The following METTL16 variants were observed in gnomAD, a reference collection of about 807,000 sequenced individuals.
METTL16 encodes the protein methyltransferase 16, RNA N6-adenosine.
Under a neutral mutation model 57.9 loss-of-function variants are expected in METTL16, and 19 were observed. The ratio of observed to expected loss-of-function variants is 0.33; its 90% CI spans 0.23 to 0.48. The LOEUF is 0.48. METTL16 is among the 20% of genes least tolerant of loss of function. The pLI, the probability that METTL16 is intolerant of heterozygous loss-of-function variation, is 0.99. For synonymous variants in METTL16, 246 were observed against 255.6 expected (o/e 0.96, Z 0.36); for missense variants, 434 against 691.5 (o/e 0.63, Z 4.18).
intron 1 of METTL16, among the ~76,000 whole-genome samples, chr17:2,504,634 C>CA (rs1344156694): frequency 6.6e-6 from 1 of 152,214 alleles, no homozygotes; most frequent in Non-Finnish European, 1.5e-5. Context: ...TACCTCACTG[C>CA]AGCCTCAATC....
chr17:2,490,551 T>A (rs898486616), intron 2 of METTL16, among the ~76,000 whole-genome samples: 4 of 152,230 alleles, frequency 2.6e-5, no homozygotes, highest in Non-Finnish European at 4.4e-5. Context: ...ACATTACCAT[T>A]ATAAATGTAG....
intron 4 of METTL16, 62 bp downstream of exon 4, chr17:2,473,462 C>A: frequency 6.6e-7 from 1 of 1,526,472 alleles, no homozygotes; most frequent in Non-Finnish European, 8.8e-7. Context: ...TAATGAAATG[C>A]GTTAAACTAA....
At chr17:2,452,645 A>C (rs1467640246) in intron 6 of METTL16, among the ~76,000 whole-genome samples, 1 of 152,190 alleles carries the variant, frequency 6.6e-6, no homozygotes, top group African/African-American at 2.4e-5. Flanking sequence ...ATTTTGAAAT[A>C]ATTTCAAACT....
At chr17:2,481,207 CA>C (rs2067303643) in intron 2 of METTL16, among the ~76,000 whole-genome samples, 1 of 133,494 alleles carries the variant, frequency 7.5e-6, no homozygotes, top group Admixed American at 7.9e-5. Flanking sequence ...GACCATGTTT[CA>C]GAAAAAAAAG....
At chr17:2,486,294 C>CA (rs1210006049) in intron 2 of METTL16, among the ~76,000 whole-genome samples, 1 of 149,214 alleles carries the variant, frequency 6.7e-6, no homozygotes, top group Non-Finnish European at 1.5e-5. Flanking sequence ...TTTTTTGAGA[C>CA]AGAGTCTCGC....
At chr17:2,441,598 G>A in intron 6 of METTL16, 39 bp from the exon 7 acceptor site, 1 of 1,417,032 alleles carries the variant, frequency 7.1e-7, no homozygotes, top group Non-Finnish European at 9.5e-7. Context: ...TACGGTTTAT[G>A]TGGTTAAAAT....
intron 6 of METTL16, among the ~76,000 whole-genome samples, chr17:2,445,494 G>A (rs184561988): frequency 1.3e-5 from 2 of 152,126 alleles, no homozygotes; most frequent in Non-Finnish European, 2.9e-5. Flanking sequence ...TGCATATAAA[G>A]GTCAGGGATT....
At chr17:2,428,890 C>A (rs1178976540) in intron 8 of METTL16, among the ~76,000 whole-genome samples, 1 of 152,072 alleles carries the variant, frequency 6.6e-6, no homozygotes, top group African/African-American at 2.4e-5. Flanking sequence ...CGGAGTTTTG[C>A]TCTTGTTGCC....
At chr17:2,421,038 TTGTG>T (rs1567878687) in intron 8 of METTL16, 134 bp from the exon 9 acceptor site, 1 of 977,632 alleles carries the variant, frequency 1.0e-6, no homozygotes, top group Admixed American at 2.4e-5. Context: ...ACAAAGGGTT[TTGTG>T]TGTGTTATGT....
At chr17:2,505,410 T>TAGA (rs1358460134) in intron 1 of METTL16, among the ~76,000 whole-genome samples, 1 of 127,678 alleles carries the variant, frequency 7.8e-6, no homozygotes, top group African/African-American at 3.5e-5. Flanking sequence ...TTTTTTTTTT[T>TAGA]TTTTTTTTTT....
rs141489712 is a variant in METTL16 at position 2,455,985 on chromosome 17, A to AAATT, written c.728+8219_728+8222dup. Among the ~76,000 whole-genome samples, 441 of 151,924 alleles carry AAATT rather than the reference A, an allele frequency of 2.9e-3. 3 individuals are homozygous for AAATT. The highest frequency in any genetic ancestry group is 4.5e-3 in the Non-Finnish European group (303 of 67,958). ...GTGACAGAGCAAGACCCTGTCTCGA[A>AAATT]AATTAATTAATTAATTAATTAATTA... On this transcript the variant is annotated intron_variant, in intron 6 of 9. Transcript: ENST00000263092.
intron 2 of METTL16, among the ~76,000 whole-genome samples, chr17:2,496,209 C>T (rs550439927): frequency 6.6e-6 from 1 of 151,790 alleles, no homozygotes; most frequent in South Asian, 2.1e-4. Flanking sequence ...TCAAGGCATT[C>T]ATGGATCCTC....
In METTL16 at chr17:2,446,591, GCTCTCC is replaced by G. The variant is rs372024803; in HGVS notation, c.729-5038_729-5033del. Among the ~76,000 whole-genome samples, 678 of 142,804 alleles carry G rather than the reference GCTCTCC, an allele frequency of 4.7e-3. 5 individuals are homozygous for G. The highest frequency in any genetic ancestry group is 0.016 in the South Asian group (72 of 4,494). 93.7% of individuals were successfully genotyped at this position (142,804 alleles called of 152,430 possible). On this transcript the variant is annotated intron_variant, in intron 6 of 9. Coordinates refer to ENST00000263092, the MANE Select transcript of METTL16 (RefSeq NM_024086.4). ...AGGTCAAGAGATCAAGAGCATCCTG[GCTCTCC>G]CTCTCCCTCTCCCTCTCCCTCTCCC...
chr17:2,489,498 T>G lies in METTL16; in HGVS notation c.129-11613A>C, dbSNP rs547646394. On this transcript the variant is annotated intron_variant, in intron 2 of 9. Coordinates refer to ENST00000263092, the MANE Select transcript of METTL16 (RefSeq NM_024086.4). ...GGTGAAACCCCGTCTCCACTAAAAG[T>G]ACAAAAATTAGCCGAGCGTGGTGGC... 1.2e-3 allele frequency among the ~76,000 whole-genome samples: 185 copies of G among 151,854 alleles called. 1 individual carries two copies. The highest frequency in any genetic ancestry group is 4.2e-3 in the African/African-American group (174 of 41,424).
At chr17:2,458,891 C>G (rs1388476704) in intron 6 of METTL16, among the ~76,000 whole-genome samples, 1 of 151,840 alleles carries the variant, frequency 6.6e-6, no homozygotes, top group Non-Finnish European at 1.5e-5. Flanking sequence ...ACTGTAGCCT[C>G]GACCTCCTGG....
At chr17:2,415,867 C>A (rs2066710361), downstream of METTL16, 1 of 152,178 alleles carries the variant, frequency 6.6e-6, no homozygotes, top group Non-Finnish European at 1.5e-5. Flanking sequence ...CAGCATTTCC[C>A]CTCCAGTATC....
intron 5 of METTL16, among the ~76,000 whole-genome samples, chr17:2,466,493 C>T (rs553073068): frequency 1.8e-4 from 28 of 152,312 alleles, no homozygotes; most frequent in Non-Finnish European, 2.8e-4. Context: ...ATCCCAACTA[C>T]TGCTGGGTTT....
intron 6 of METTL16, among the ~76,000 whole-genome samples, chr17:2,447,712 T>G (rs1233702297): frequency 1.3e-4 from 14 of 110,196 alleles, no homozygotes; most frequent in Admixed American, 2.8e-4. Context: ...GGAGGGGGGG[T>G]CAGCCCCCCG....
rs539690006 is a variant in METTL16, at chr17:2,419,307, C to T, written c.*663G>A. 5.2e-4 allele frequency: 111 copies of T among 214,130 alleles called. 1 individual carries two copies. Among genetic ancestry groups the T allele is most frequent in the African/African-American group, 2.3e-3 (101 of 43,222 alleles). 13.3% of individuals were successfully genotyped at this position (214,130 alleles called of 1,614,324 possible). On this transcript the variant is annotated 3_prime_UTR_variant, in exon 10 of 10. Coordinates refer to ENST00000263092, the MANE Select transcript of METTL16 (RefSeq NM_024086.4). ...GGGTATGGGTGCCTTCTGTGTGCCT[C>T]AGTCACACCGGGGAGTTTTGCTTAC... is the stretch of plus-strand genomic sequence containing the variant.
Sources: allele counts gnomAD v4.1 joint callset (sites outside exome capture counted in the v4.1 genomes callset), GRCh38; gene constraint gnomAD v4.1.1; transcripts MANE v1.5; gene names NCBI Gene and HGNC (gene_info 2026-07-23, HGNC 2026-07-21).